TET1: variants seen among roughly 807,000 people sequenced by gnomAD.
TET1 encodes methylcytosine dioxygenase TET1.
A neutral mutation model predicts 148.7 loss-of-function variants in TET1; 13 were observed. The observed-to-expected ratio is 0.09, with a 90% CI of 0.06 to 0.14. The LOEUF is 0.14. TET1 is among the 10% of genes least tolerant of loss of function. TET1 has a pLI of 1.00. For missense variants in TET1, 2,182 were observed against 2,553.8 expected, an observed-to-expected ratio of 0.85 and a Z score of 3.14; for synonymous variants, 907 against 937.2, an observed-to-expected ratio of 0.97 and a Z score of 0.59.
rs1243318379 is a variant in TET1, at chr10:68,573,601, G to A, written c.1263G>A (p.Met421Ile). ...TILDQQETLG[M>I]SGSVVPDLPV... is the part of the protein sequence containing the mutation. ...TAGACCAACAAGAAACTCTTGGTAT[G>A]AGTGGGAGTGTTGTCCCAGACTTGC... Residue 421 changes from methionine to isoleucine, a missense_variant, in exon 2 of 12, where the codon ATG (methionine) becomes ATA (isoleucine). Physicochemically the swap from Met to Ile is conservative, Grantham distance 10. Coordinates refer to ENST00000373644, the MANE Select transcript of TET1 (RefSeq NM_030625.3). The A allele has an allele frequency of 6.2e-7, 1 of 1,614,178 alleles. No individual in the cohort carries two copies. Among genetic ancestry groups the A allele is most frequent in the South Asian group, 1.1e-5 (1 of 91,082 alleles).
chr10:68,568,815 C>T (rs1270754039), intron 1 of TET1, among the ~76,000 whole-genome samples: 1 of 152,010 alleles, frequency 6.6e-6, no homozygotes, highest in African/African-American at 2.4e-5. Flanking sequence ...AGCACTACTG[C>T]ACTCCAGTCC....
chr10:68,616,276 T>G (rs945201854), intron 3 of TET1, among the ~76,000 whole-genome samples: 1 of 150,410 alleles, frequency 6.6e-6, no homozygotes, highest in Non-Finnish European at 1.5e-5. Flanking sequence ...CTCTTTAGTC[T>G]TTCAATCTGA....
rs778543479 is a variant in TET1, at chr10:68,691,015, G to C, written c.5612G>C (p.Gly1871Ala). Residue 1871 changes from glycine to alanine, a missense_variant, in exon 12 of 12, where the codon GGG becomes GCG. Physicochemically the swap from Gly to Ala is moderately conservative, Grantham distance 60. This residue lies in a region of TET1 where 380 missense variants were observed against 387.9 expected (regional missense o/e 0.98). Transcript: ENST00000373644. This position sits in a 1 kb window ranked among gnomAD's most constrained non-coding sequence, Gnocchi z 4.4. ...AAGAATGACGCAACAGCCTCATGCG[G>C]GTTTTCAGAAAGAAGCAGCACTCCC... ...PLKNDATASC[G>A]FSERSSTPHC... The C allele has an allele frequency of 6.2e-7, 1 of 1,614,038 alleles. No homozygotes were observed. Among genetic ancestry groups the C allele is most frequent in the Admixed American group, 1.7e-5 (1 of 60,012 alleles).
At chr10:68,672,487 C>CA (rs71483920) in intron 7 of TET1, among the ~76,000 whole-genome samples, 565 of 49,744 alleles carry the variant, frequency 0.011, 72 homozygotes, top group African/African-American at 0.034. Context: ...GACCCCATCT[C>CA]AAAAAAAAAA....
intron 3 of TET1, chr10:68,632,252 G>A: frequency 1.2e-6 from 1 of 804,558 alleles, no homozygotes; most frequent in Non-Finnish European, 1.9e-6. Context: ...AACCCGGGAG[G>A]CGGAGCTTGC....
At chr10:68,577,362 G>A (rs2053744129) in intron 2 of TET1, among the ~76,000 whole-genome samples, 1 of 152,052 alleles carries the variant, frequency 6.6e-6, no homozygotes, top group Non-Finnish European at 1.5e-5. Context: ...TTTCATTCTT[G>A]ACTTAAATTA....
At chr10:68,676,564 G>A (rs998911440) in intron 8 of TET1, among the ~76,000 whole-genome samples, 6 of 151,758 alleles carry the variant, frequency 4.0e-5, no homozygotes, top group Non-Finnish European at 7.4e-5. Flanking sequence ...GTAAGCCACC[G>A]TGCCTGACCT....
chr10:68,674,904 T>A, intron 8 of TET1: 1 of 388,080 alleles, frequency 2.6e-6, no homozygotes, highest in Non-Finnish European at 4.9e-6. Flanking sequence ...GGAAAAGACA[T>A]AGAAAAAATT....
chr10:68,645,066 TGAA>T lies in TET1; in HGVS notation c.2341_2343del (p.Glu781del). The T allele has an allele frequency of 6.2e-7, 1 of 1,612,488 alleles. No individual in the cohort carries two copies. The highest frequency in any genetic ancestry group is 8.5e-7 in the Non-Finnish European group (1 of 1,179,624). ...ATGTTTCATTTAAAAAATTCAATAT[TGAA>T]GAATTCGGCAAGACATTGGAAAACA... On this transcript the variant is annotated inframe_deletion, in exon 4 of 12. Coordinates refer to ENST00000373644, the MANE Select transcript of TET1 (RefSeq NM_030625.3).
chr10:68,690,825 G>C lies in TET1; in HGVS notation c.5422G>C (p.Val1808Leu), dbSNP rs150708897. The change falls in exon 12 of 12, where the codon GTG (valine) becomes CTG (leucine). Residue 1808 changes from valine (V) to leucine (L), a missense_variant. Physicochemically the swap from Val to Leu is conservative, Grantham distance 32. This residue lies in a region of TET1 where 380 missense variants were observed against 387.9 expected (regional missense o/e 0.98). Coordinates refer to ENST00000373644, the MANE Select transcript of TET1 (RefSeq NM_030625.3). The part of the protein sequence containing the change: ...LPTLGSNTET[V>L]QPEVKSETEP... ...TTGTTTAGGGAGTAACACTGAGACCGTGCAACCTGAAGTAAAAAGTGAAAC... is the reference window on the plus strand; with the variant it reads ...TTGTTTAGGGAGTAACACTGAGACCCTGCAACCTGAAGTAAAAAGTGAAAC... 1.4e-5 allele frequency: 23 copies of C among 1,608,186 alleles called. No individual in the cohort carries two copies. In the Admixed American group the frequency reaches 3.5e-4, roughly 25 times the overall value.
intron 4 of TET1, 88 bp from the exon 5 acceptor site, chr10:68,651,758 G>A (rs954257269): frequency 6.7e-6 from 6 of 900,552 alleles, no homozygotes; most frequent in Non-Finnish European, 9.9e-6. Context: ...TCTGAATTGA[G>A]GGGGAACAAA....
At chr10:68,629,373 A>G (rs545996956) in intron 3 of TET1, among the ~76,000 whole-genome samples, 1 of 152,052 alleles carries the variant, frequency 6.6e-6, no homozygotes, top group African/African-American at 2.4e-5. Flanking sequence ...TCAAAAAATA[A>G]TAATAATAAT....
intron 3 of TET1, among the ~76,000 whole-genome samples, chr10:68,631,497 G>C (rs552919628): frequency 1.6e-5 from 2 of 124,604 alleles, no homozygotes; most frequent in Admixed American, 2.1e-4. Flanking sequence ...TAGACAGGAT[G>C]ATCTCCATCT....
chr10:68,596,215 C>G (rs2053988032), intron 2 of TET1, among the ~76,000 whole-genome samples: 1 of 150,686 alleles, frequency 6.6e-6, no homozygotes, highest in African/African-American at 2.4e-5. Context: ...GAAGACATTT[C>G]TTTTAAGGTT....
chr10:68,595,951 T>TATATAC, intron 2 of TET1, among the ~76,000 whole-genome samples: 1 of 31,930 alleles, frequency 3.1e-5, no homozygotes, highest in South Asian at 1.6e-3. Flanking sequence ...TATATATATA[T>TATATAC]ATATATATAT....
chr10:68,689,020 T>C (rs1219068324), intron 11 of TET1, among the ~76,000 whole-genome samples: 2 of 152,180 alleles, frequency 1.3e-5, no homozygotes, highest in Non-Finnish European at 2.9e-5. Context: ...TGAGAAGAAA[T>C]GTATATTCCC....
intron 3 of TET1, among the ~76,000 whole-genome samples, chr10:68,614,556 G>A (rs1385602111): frequency 2.0e-5 from 3 of 152,154 alleles, no homozygotes; most frequent in African/African-American, 7.2e-5. Context: ...CTGTTATCCA[G>A]GGTGGAGTGT....
At chr10:68,660,021 C>G (rs1309948802) in intron 6 of TET1, among the ~76,000 whole-genome samples, 1 of 152,134 alleles carries the variant, frequency 6.6e-6, no homozygotes, top group Non-Finnish European at 1.5e-5. Context: ...AAAATTTACT[C>G]TACTTTGTCT....
chr10:68,597,231 A>G (rs2664418), intron 2 of TET1, among the ~76,000 whole-genome samples: 7,036 of 151,726 alleles, frequency 0.046, 201 homozygotes, highest in South Asian at 0.084. Context: ...ATGAGGTTTC[A>G]TCATATTGGC....
Sources: gnomAD v4.1 joint callset for allele counts (sites outside exome capture counted in the v4.1 genomes callset) on GRCh38, gnomAD v4.1.1 for gene constraint, gnomAD v4.1.1 regional missense constraint, Gnocchi (gnomAD v3.1) non-coding constraint, MANE v1.5 for transcripts, NCBI Gene and HGNC (gene_info 2026-07-23, HGNC 2026-07-21) for gene names.